The following DEPDC5 variants were observed in gnomAD, a reference collection of about 807,000 sequenced individuals.
The protein encoded by DEPDC5 is DEP domain containing 5, GATOR1 subcomplex subunit, also known as GATOR1 complex protein DEPDC5.
In DEPDC5, 73 loss-of-function variants were observed where a neutral mutation model predicts 217.3. The observed-to-expected ratio is 0.34, with a 90% CI of 0.28 to 0.41. The LOEUF is 0.41. Ranked by LOEUF, DEPDC5 falls within the 10% of genes least tolerant of loss-of-function variation. The pLI, the probability that DEPDC5 is intolerant of heterozygous loss-of-function variation, is 1.00. For synonymous variants in DEPDC5, 733 were observed against 756.7 expected, an observed-to-expected ratio of 0.97 and a Z score of 0.51; for missense variants, 1,675 against 2,070.1, an observed-to-expected ratio of 0.81 and a Z score of 3.70.
At chr22:31,884,177 C>T (rs1178786735) in intron 38 of DEPDC5, among the ~76,000 whole-genome samples, 2 of 152,178 alleles carry the variant, frequency 1.3e-5, no homozygotes, top group Non-Finnish European at 2.9e-5. Context: ...CATCTGCCCT[C>T]GCCCAGTAGC....
rs2092986045 is a variant in DEPDC5, at chr22:31,876,165, G to A, written c.3705G>A (p.Leu1235=). ...TTCAATGTCTCTCCTAGAAAATGCT[G>A]GAAGAGCAGCTCATCACACATGCAT... ...AMAIDIMQKM[L]EEQLITHASG... The change falls in exon 37 of 43, where the codon CTG becomes CTA. Residue 1235 remains leucine, a synonymous_variant. Coordinates refer to ENST00000651528, the MANE Select transcript of DEPDC5 (RefSeq NM_001242896.3). 3.1e-6 allele frequency: 5 copies of A among 1,613,784 alleles called. No individual in the cohort carries two copies.
At chr22:31,902,376 T>C (rs2093662475) in intron 41 of DEPDC5, among the ~76,000 whole-genome samples, 1 of 145,470 alleles carries the variant, frequency 6.9e-6, no homozygotes, top group Admixed American at 7.1e-5. Flanking sequence ...ATCCTCTCAT[T>C]ACACCTTCTC....
chr22:31,815,570 A>T, intron 21 of DEPDC5: 1 of 606,492 alleles, frequency 1.6e-6, no homozygotes. Context: ...TTTTTTGTAG[A>T]GGTGGGGAAG....
intron 24 of DEPDC5, among the ~76,000 whole-genome samples, chr22:31,825,423 C>T (rs2090063506): frequency 6.6e-6 from 1 of 152,166 alleles, no homozygotes; most frequent in African/African-American, 2.4e-5. Context: ...AAAGCATTTG[C>T]TGCAACCTGA....
chr22:31,798,698 A>C, intron 14 of DEPDC5, 42 bp downstream of exon 14: 1 of 1,588,042 alleles, frequency 6.3e-7, no homozygotes, highest in African/African-American at 1.3e-5. Context: ...CTTGCCTACC[A>C]CATGGCTATG....
chr22:31,810,025 G>T (rs1305071395), intron 19 of DEPDC5, among the ~76,000 whole-genome samples: 1 of 152,094 alleles, frequency 6.6e-6, no homozygotes, highest in African/African-American at 2.4e-5. Flanking sequence ...AAAACTATGT[G>T]AAGTGCCATA....
intron 38 of DEPDC5, chr22:31,890,491 A>C (rs117119172): frequency 3.3e-5 from 5 of 151,944 alleles, no homozygotes; most frequent in Admixed American, 1.3e-4. Context: ...GGGCAGGTCA[A>C]TTAAGGCTAG....
Position 31,837,084 on chromosome 22 carries a change from T to G in DEPDC5, c.2283T>G (p.Pro761=). 1 of 1,614,230 alleles carries G rather than the reference T, an allele frequency of 6.2e-7. No individual in the cohort carries two copies. The highest frequency in any genetic ancestry group is 8.5e-7 in the Non-Finnish European group (1 of 1,180,038). ...TCCCCCTTACCACCGACTACTTCCC[T>G]GACCGCCAGGGCCTGCAGAATGACT... ...ACLPLTTDYF[P]DRQGLQNDYT... The change falls in exon 26 of 43, where the codon CCT becomes CCG. Residue 761 remains proline (P), a synonymous_variant. Coordinates refer to ENST00000651528, the MANE Select transcript of DEPDC5 (RefSeq NM_001242896.3).
chr22:31,879,467 C>A, intron 37 of DEPDC5, 58 bp from the exon 38 acceptor site: 1 of 1,517,020 alleles, frequency 6.6e-7, no homozygotes, highest in South Asian at 1.1e-5. Context: ...TAGCATGCAT[C>A]ATGAAGAAAA....
intron 39 of DEPDC5, among the ~76,000 whole-genome samples, chr22:31,897,183 G>C (rs1277897122): frequency 6.6e-6 from 1 of 152,018 alleles, no homozygotes; most frequent in East Asian, 1.9e-4. Flanking sequence ...ACATCCCCTA[G>C]AATGGGAAGG....
chr22:31,879,651 T>C lies in DEPDC5; in HGVS notation c.3932T>C (p.Phe1311Ser), dbSNP rs1199364589. Residue 1311 changes from phenylalanine to serine, a missense_variant, in exon 38 of 43, where the codon TTT (phenylalanine) becomes TCT (serine). By Grantham distance (155) the Phe-to-Ser change is radical. This residue lies in a region of DEPDC5 where 182 missense variants were observed against 290.1 expected (regional missense o/e 0.63). Coordinates refer to ENST00000651528, the MANE Select transcript of DEPDC5 (RefSeq NM_001242896.3). ...CTCGTGCACTCTGAGATTCCTGCCT[T>C]TCTCCTGCCCTGGCTGCCTAGCCGG... ...EELVHSEIPA[F>S]LLPWLPSRPA... The C allele has an allele frequency of 1.4e-5, 22 of 1,614,014 alleles. No homozygotes were observed. In the Admixed American group the frequency reaches 3.7e-4, roughly 27 times the overall value.
At chr22:31,826,580 CT>C (rs1323649126) in intron 24 of DEPDC5, 1 of 361,932 alleles carries the variant, frequency 2.8e-6, no homozygotes, top group Non-Finnish European at 5.5e-6. Flanking sequence ...AACAATACCT[CT>C]TCTTTGAAGC....
intron 27 of DEPDC5, among the ~76,000 whole-genome samples, chr22:31,842,499 C>T (rs1191099589): frequency 1.4e-5 from 2 of 147,230 alleles, no homozygotes; most frequent in African/African-American, 5.1e-5. Context: ...TGCTTGAACC[C>T]AGGAGGTGGA....
chr22:31,880,629 G>A (rs992881929), intron 38 of DEPDC5, among the ~76,000 whole-genome samples: 3 of 152,246 alleles, frequency 2.0e-5, no homozygotes, highest in Non-Finnish European at 2.9e-5. Context: ...GCCGGGCACG[G>A]TGGCCCACGC....
At chr22:31,805,092 A>G in intron 17 of DEPDC5, 177 bp downstream of exon 17, 1 of 568,716 alleles carries the variant, frequency 1.8e-6, no homozygotes, top group East Asian at 3.2e-5. Flanking sequence ...GCAGTATCAT[A>G]GGAACAGTCT....
intron 9 of DEPDC5, chr22:31,784,242 T>C (rs2084753780): frequency 3.5e-6 from 1 of 287,564 alleles, no homozygotes. Flanking sequence ...ATATTAAATT[T>C]GGCTTCAAAA....
chr22:31,754,744 G>C, intron 1 of DEPDC5, 118 bp from the exon 2 acceptor site: 1 of 648,284 alleles, frequency 1.5e-6, no homozygotes, highest in Admixed American at 2.9e-5. Context: ...TCTTCCGAGA[G>C]TCACTTGGCA....
At chr22:31,858,968 G>A (rs927335191) in intron 32 of DEPDC5, 7 of 151,680 alleles carry the variant, frequency 4.6e-5, no homozygotes, top group Admixed American at 1.3e-4. Context: ...TAAACCAAAC[G>A]TTGGCAAACC....
intron 10 of DEPDC5, among the ~76,000 whole-genome samples, chr22:31,786,712 C>T (rs2085031306): frequency 6.6e-6 from 1 of 151,838 alleles, no homozygotes. Flanking sequence ...TCAAGGGATC[C>T]TCTTGCCTCA....
Sources: allele counts gnomAD v4.1 joint callset (sites outside exome capture counted in the v4.1 genomes callset), GRCh38; gene constraint gnomAD v4.1.1; regional missense constraint gnomAD v4.1.1; transcripts MANE v1.5; gene names NCBI Gene and HGNC (gene_info 2026-07-23, HGNC 2026-07-21).